PASD1: variants seen among roughly 807,000 people sequenced by gnomAD.
PASD1 encodes the protein circadian clock protein PASD1.
In PASD1, 13 loss-of-function variants were observed where a neutral mutation model predicts 58.8. The observed-to-expected ratio is 0.22, with a 90% confidence interval of 0.14 to 0.35. The LOEUF is 0.35. Among genes scored for constraint, PASD1 ranks in the 10% least tolerant of loss-of-function variants. The probability of loss-of-function intolerance (pLI) is 1.00; values close to 1 mark genes in which losing one functional copy is unlikely to be tolerated. For missense variants in PASD1, 734 were observed against 568.3 expected (o/e 1.29, Z -2.96); for synonymous variants, 236 against 216.7 (o/e 1.09, Z -0.78).
At chrX:151,614,115 G>A (rs62609269) in intron 4 of PASD1, among the ~76,000 whole-genome samples, 3,408 of 110,298 alleles carry the variant, frequency 0.031, 48 homozygotes, top group Middle Eastern at 0.1. Flanking sequence ...CTCCTGAGTA[G>A]CAGGGATTAT....
Position 151,672,737 on chromosome X carries a change from C to G in PASD1, c.1916+76C>G, listed in dbSNP as rs2014495601. The stretch of plus-strand genomic sequence containing the variant: ...CATGGCTGGATCCCATGCCTGAGAT[C>G]ACAGACAGACGACCTATCCATGTGG... On this transcript the variant is annotated intron_variant, in intron 14 of 15. Transcript: ENST00000370357. 3 of 1,159,107 alleles carry G rather than the reference C, an allele frequency of 2.6e-6. No individual in the cohort carries two copies. The Admixed American group carries it at 7.3e-5, about 28-fold the overall frequency.
intron 1 of PASD1, among the ~76,000 whole-genome samples, chrX:151,584,147 G>A (rs1291669519): frequency 1.8e-5 from 2 of 111,553 alleles, no homozygotes; most frequent in African/African-American, 6.5e-5. Flanking sequence ...TCATTGGGAA[G>A]TGAAGGCTAG....
chrX:151,659,989 AT>A (rs778245621), intron 10 of PASD1, among the ~76,000 whole-genome samples, 153 bp downstream of exon 10: 6 of 112,522 alleles, frequency 5.3e-5, no homozygotes, highest in Non-Finnish European at 1.1e-4. Context: ...AATATTTGAG[AT>A]GATGATTTGA....
At position 151,672,238 on chromosome X, in the gene PASD1, A is replaced by C. The variant is rs1201759599; in HGVS notation, c.1493A>C (p.Glu498Ala). 1 of 1,163,820 alleles carries C rather than the reference A, an allele frequency of 8.6e-7. No homozygotes were observed. The highest frequency in any genetic ancestry group is 1.8e-5 in the African/African-American group (1 of 56,074). Residue 498 changes from glutamate (E) to alanine (A), a missense_variant, in exon 14 of 16, where the codon GAG becomes GCG. Glu to Ala is a moderately radical substitution (Grantham distance 107). Transcript: ENST00000370357. ...AAGGAGCAGCAGCGGCAGCTGCGGG[A>C]GCAGCTGCAACAGCTGAGAGAGCAA... ...HLKEQQRQLR[E>A]QLQQLREQRK... is the part of the protein sequence containing the mutation.
chrX:151,589,166 C>T (rs768813696), intron 1 of PASD1, among the ~76,000 whole-genome samples: 1 of 111,897 alleles, frequency 8.9e-6, no homozygotes, highest in East Asian at 2.8e-4. Flanking sequence ...GACAATGTCA[C>T]TTCTGCGCAG....
At chrX:151,635,870 TTAAG>T (rs142381562) in intron 8 of PASD1, among the ~76,000 whole-genome samples, 23,944 of 110,381 alleles carry the variant, frequency 0.22, 2,140 homozygotes, top group Non-Finnish European at 0.28. Context: ...AGAGTAGATT[TTAAG>T]TGTTTTCACT....
At chrX:151,566,897 T>C (rs1036976317) in intron 1 of PASD1, among the ~76,000 whole-genome samples, 2 of 108,758 alleles carry the variant, frequency 1.8e-5, no homozygotes. Context: ...AAAAACCCCG[T>C]CTCTACTAAG....
At chrX:151,599,993 G>A (rs937096344) in intron 1 of PASD1, among the ~76,000 whole-genome samples, 1 of 112,388 alleles carries the variant, frequency 8.9e-6, no homozygotes, top group Non-Finnish European at 1.9e-5. Flanking sequence ...CTGAGTGAGC[G>A]AGACTCTGTT....
chrX:151,670,902 G>C (rs1408649755), intron 11 of PASD1, 136 bp from the exon 12 acceptor site: 4 of 726,894 alleles, frequency 5.5e-6, no homozygotes, highest in Admixed American at 3.3e-5. Context: ...AAACTTTCTA[G>C]TAATGAATGA....
intron 11 of PASD1, among the ~76,000 whole-genome samples, chrX:151,666,596 CAT>C (rs1330158647): frequency 1.0e-5 from 1 of 98,319 alleles, no homozygotes; most frequent in Non-Finnish European, 2.0e-5. Flanking sequence ...CAAGTGTTCT[CAT>C]TGTTCAATTC....
rs772758090 is a variant in PASD1, at chrX:151,672,217, AGCAGCAGCG to A, written c.1478_1486del (p.Gln493_Gln495del). The A allele has an allele frequency of 1.3e-5, 15 of 1,136,316 alleles. No homozygotes were observed. The highest frequency in any genetic ancestry group is 5.5e-5 in the African/African-American group (3 of 54,727). 93.6% of individuals were successfully genotyped at this position (1,136,316 alleles called of 1,213,427 possible). A position where few individuals can be genotyped will look rare whatever the true frequency, so the allele number is the denominator to read the frequency against. ...GTGCAGCAAGAACAACACCTGAAGG[AGCAGCAGCG>A]GCAGCTGCGGGAGCAGCTGCAACAG... On this transcript the variant is annotated inframe_deletion, in exon 14 of 16. Coordinates refer to ENST00000370357, the MANE Select transcript of PASD1 (RefSeq NM_173493.3).
At position 151,676,032 on chromosome X, in the gene PASD1, T is replaced by C. The variant is rs1216387619; in HGVS notation, c.2211T>C (p.Pro737=). The C allele has an allele frequency of 8.3e-7, 1 of 1,211,622 alleles. No individual in the cohort carries two copies. The highest frequency in any genetic ancestry group is 1.8e-5 in the South Asian group (1 of 56,977). The change falls in exon 16 of 16, where the codon CCT becomes CCC. Residue 737 remains proline (P), a synonymous_variant. Coordinates refer to ENST00000370357, the MANE Select transcript of PASD1 (RefSeq NM_173493.3). ...CTGAGGTAGGAGTCGAGGGACCTCC[T>C]GATCCACAGGCTTTCCAAGGCCCTG... ...QVSEVGVEGP[P]DPQAFQGPAA...
At chrX:151,675,687 G>C (rs1001011489) in intron 15 of PASD1, among the ~76,000 whole-genome samples, 4 of 111,988 alleles carry the variant, frequency 3.6e-5, no homozygotes, top group Non-Finnish European at 5.6e-5. Flanking sequence ...TAGTGGCCTT[G>C]GCCGGCCATG....
chrX:151,669,870 T>G (rs1165619313), intron 11 of PASD1, among the ~76,000 whole-genome samples: 1 of 112,114 alleles, frequency 8.9e-6, no homozygotes, highest in Non-Finnish European at 1.9e-5. Flanking sequence ...TGCAGATACC[T>G]TTTTGATCTA....
rs183369570 is a variant in PASD1 at position 151,588,797 on chromosome X, T to C, written c.-27-12730T>C. 4.5e-3 allele frequency among the ~76,000 whole-genome samples: 502 copies of C among 111,972 alleles called. 3 individuals are homozygous for C. The highest frequency in any genetic ancestry group is 0.016 in the African/African-American group (478 of 30,837). Reference sequence around the variant, plus strand: ...AGAATATTGTTCATGATCATACTTTTTGCACCATTAGAAATTACTGCTAAC... The same window carrying C: ...AGAATATTGTTCATGATCATACTTTCTGCACCATTAGAAATTACTGCTAAC... On this transcript the variant is annotated intron_variant, in intron 1 of 15. Coordinates refer to ENST00000370357, the MANE Select transcript of PASD1 (RefSeq NM_173493.3).
intron 9 of PASD1, among the ~76,000 whole-genome samples, chrX:151,658,352 C>G (rs2124306438): frequency 8.9e-6 from 1 of 112,606 alleles, no homozygotes. Context: ...AGGCCAATTA[C>G]CATTACTGCA....
intron 4 of PASD1, among the ~76,000 whole-genome samples, chrX:151,612,792 C>A (rs1321432590): frequency 9.0e-6 from 1 of 111,692 alleles, no homozygotes; most frequent in Non-Finnish European, 1.9e-5. Flanking sequence ...ATGGTAGTTT[C>A]TTTTGCTGTG....
intron 1 of PASD1, among the ~76,000 whole-genome samples, chrX:151,582,550 T>C (rs2013113388): frequency 9.0e-6 from 1 of 111,099 alleles, no homozygotes; most frequent in African/African-American, 3.3e-5. Context: ...TTAGGAGAGC[T>C]CTAGGTGGGA....
chrX:151,671,053 T>C lies in PASD1; in HGVS notation c.1087T>C (p.Ser363Pro), dbSNP rs1485488497. The C allele has an allele frequency of 3.3e-6, 4 of 1,209,449 alleles. No homozygotes were observed. Among genetic ancestry groups the C allele is most frequent in the Non-Finnish European group, 4.5e-6 (4 of 894,915 alleles). ...CTCCCCACAGCCATTACAGCCATCA[T>C]CACCAGTTGCATATGACATCATTAG... is the stretch of plus-strand genomic sequence containing the variant. ...GASAQPLQPS[S>P]PVAYDIISQE... The change falls in exon 12 of 16, where the codon TCA becomes CCA. Residue 363 changes from serine (S) to proline (P), a missense_variant. Transcript: ENST00000370357.
Sources: allele counts gnomAD v4.1 joint callset (sites outside exome capture counted in the v4.1 genomes callset), GRCh38; gene constraint gnomAD v4.1.1; transcripts MANE v1.5; gene names NCBI Gene and HGNC (gene_info 2026-07-23, HGNC 2026-07-21).